PTPRM: variants seen among roughly 807,000 people sequenced by gnomAD.
PTPRM encodes receptor-type tyrosine-protein phosphatase mu.
In PTPRM, 47 loss-of-function variants were observed where a neutral mutation model predicts 186.7. That is an observed-to-expected ratio of 0.25 (90% CI 0.20 to 0.32). The LOEUF (loss-of-function observed/expected upper bound fraction) is 0.32, where lower values mean the gene tolerates loss of function less well. PTPRM is among the 10% of genes least tolerant of loss of function. PTPRM has a pLI of 1.00. For synonymous variants in PTPRM, 668 were observed against 674.9 expected (o/e 0.99, Z 0.16); for missense variants, 1,494 against 1,865.0 (o/e 0.80, Z 3.66).
At chr18:7,628,931 C>A (rs757772295) in intron 1 of PTPRM, among the ~76,000 whole-genome samples, 2 of 152,204 alleles carry the variant, frequency 1.3e-5, no homozygotes, top group Non-Finnish European at 2.9e-5. Flanking sequence ...TGGCAAGGTT[C>A]GCAGTTTCCA....
chr18:7,824,493 G>A (rs2045379262), intron 2 of PTPRM, among the ~76,000 whole-genome samples: 1 of 152,024 alleles, frequency 6.6e-6, no homozygotes, highest in Non-Finnish European at 1.5e-5. Context: ...AGATCTTTTA[G>A]CATTTTATAA....
chr18:7,793,818 G>A (rs1208645156), intron 2 of PTPRM, among the ~76,000 whole-genome samples: 8 of 152,058 alleles, frequency 5.3e-5, no homozygotes, highest in African/African-American at 1.9e-4. Context: ...CCCCCATCTT[G>A]TCCCTATGAA....
intron 7 of PTPRM, among the ~76,000 whole-genome samples, chr18:8,021,355 CACA>C (rs2085218299): frequency 7.8e-6 from 1 of 128,174 alleles, no homozygotes; most frequent in South Asian, 2.6e-4. Context: ...CACACACACA[CACA>C]CATATAAATT....
chr18:8,176,936 G>T (rs1020908700), intron 14 of PTPRM, among the ~76,000 whole-genome samples: 4 of 152,204 alleles, frequency 2.6e-5, no homozygotes, highest in Admixed American at 2.6e-4. Flanking sequence ...AGATTGAGCA[G>T]AAATACATCT....
chr18:7,975,882 C>A (rs139572546), intron 7 of PTPRM, among the ~76,000 whole-genome samples: 5 of 152,136 alleles, frequency 3.3e-5, no homozygotes, highest in Admixed American at 3.3e-4. Context: ...TAGAATGTAT[C>A]TCTGTTGGCT....
chr18:8,236,552 AT>A (rs1378005900), intron 14 of PTPRM, among the ~76,000 whole-genome samples: 1 of 151,610 alleles, frequency 6.6e-6, no homozygotes, highest in Non-Finnish European at 1.5e-5. Flanking sequence ...TTTTTTATTT[AT>A]TTTTTTGAGA....
chr18:7,742,531 C>T (rs1004214522), intron 1 of PTPRM, among the ~76,000 whole-genome samples: 8 of 152,064 alleles, frequency 5.3e-5, no homozygotes, highest in Non-Finnish European at 1.2e-4. Flanking sequence ...TTCAGAAGTG[C>T]AGTTTTATCT....
At chr18:8,296,626 C>T (rs930498046) in intron 20 of PTPRM, among the ~76,000 whole-genome samples, 171 bp downstream of exon 20, 1 of 152,196 alleles carries the variant, frequency 6.6e-6, no homozygotes, top group African/African-American at 2.4e-5. Context: ...TCTACCCCCA[C>T]TTCATCATTG....
intron 1 of PTPRM, among the ~76,000 whole-genome samples, chr18:7,661,060 C>T (rs9955885): frequency 2.0e-5 from 3 of 152,068 alleles, no homozygotes; most frequent in Non-Finnish European, 4.4e-5. Context: ...TGAATCACTT[C>T]AGGCTACAGC....
chr18:7,619,049 C>T (rs531218872), intron 1 of PTPRM, among the ~76,000 whole-genome samples: 1 of 152,288 alleles, frequency 6.6e-6, no homozygotes, highest in Admixed American at 6.5e-5. Flanking sequence ...GAGGTCTTTA[C>T]TGCTAATGGA....
At chr18:8,180,074 C>G (rs939573873) in intron 14 of PTPRM, among the ~76,000 whole-genome samples, 1 of 152,010 alleles carries the variant, frequency 6.6e-6, no homozygotes, top group African/African-American at 2.4e-5. Context: ...AGAGCAGAAC[C>G]ACAGTGGCCA....
chr18:8,254,056 G>A (rs1326361854), intron 19 of PTPRM, among the ~76,000 whole-genome samples: 1 of 152,104 alleles, frequency 6.6e-6, no homozygotes, highest in East Asian at 1.9e-4. Context: ...ATCTCAGGAA[G>A]AAACTGTCCA....
chr18:8,087,573 T>G (rs2090495099), intron 10 of PTPRM, among the ~76,000 whole-genome samples: 1 of 152,090 alleles, frequency 6.6e-6, no homozygotes, highest in Non-Finnish European at 1.5e-5. Flanking sequence ...CAAGAATAAG[T>G]ATTTGATTTT....
chr18:8,358,410 T>A (rs1402056120), intron 23 of PTPRM, among the ~76,000 whole-genome samples: 1 of 152,182 alleles, frequency 6.6e-6, no homozygotes, highest in African/African-American at 2.4e-5. Flanking sequence ...TTCTGGTGAG[T>A]TGTCACCATG....
At chr18:8,377,428 G>C (rs28580336) in intron 26 of PTPRM, 22 of 152,018 alleles carry the variant, frequency 1.4e-4, no homozygotes, top group Admixed American at 1.4e-3. Context: ...GATAATAATC[G>C]TAATAATTTA....
intron 22 of PTPRM, among the ~76,000 whole-genome samples, chr18:8,333,291 G>A (rs16953292): frequency 0.26 from 39,277 of 152,116 alleles, 5,159 homozygotes; most frequent in East Asian, 0.32. Flanking sequence ...GAGAACAAAT[G>A]CAACTATCAA....
At chr18:7,599,460 A>G (rs2037346447) in intron 1 of PTPRM, among the ~76,000 whole-genome samples, 1 of 152,166 alleles carries the variant, frequency 6.6e-6, no homozygotes, top group South Asian at 2.1e-4. Context: ...ACTATATGGA[A>G]ATTCCACTAT....
chr18:7,596,711 G>A (rs1043179388), intron 1 of PTPRM, among the ~76,000 whole-genome samples: 4 of 152,096 alleles, frequency 2.6e-5, no homozygotes, highest in Non-Finnish European at 4.4e-5. Flanking sequence ...GGGGACTGCT[G>A]TATGTTTATT....
chr18:7,772,605 C>T (rs2042381786), intron 1 of PTPRM, among the ~76,000 whole-genome samples: 2 of 151,680 alleles, frequency 1.3e-5, no homozygotes, highest in African/African-American at 2.4e-5. Context: ...TCTACATAGT[C>T]AGGATGCTTT....
Sources: allele counts gnomAD v4.1 joint callset (sites outside exome capture counted in the v4.1 genomes callset), GRCh38; gene constraint gnomAD v4.1.1; transcripts MANE v1.5; gene names NCBI Gene and HGNC (gene_info 2026-07-23, HGNC 2026-07-21).